Variants in RIN2 observed in about 807,000 individuals in gnomAD.
The protein encoded by RIN2 is Ras and Rab interactor 2, also known as RAB5 interacting protein 2.
In RIN2, 36 loss-of-function variants were observed where a neutral mutation model predicts 78.0. The observed-to-expected ratio is 0.46, with a 90% confidence interval of 0.35 to 0.61. The LOEUF (loss-of-function observed/expected upper bound fraction) is 0.61, where lower values mean the gene tolerates loss of function less well. Ranked by LOEUF, RIN2 falls within the 20% of genes least tolerant of loss-of-function variation. The probability of loss-of-function intolerance (pLI) is 0.00; values close to 1 mark genes in which losing one functional copy is unlikely to be tolerated. For missense variants in RIN2, 1,087 were observed against 1,159.7 expected (o/e 0.94, Z 0.91); for synonymous variants, 466 against 466.8 (o/e 1.00, Z 0.02).
intron 2 of RIN2, chr20:19,886,891 C>T (rs2038222501): frequency 9.7e-6 from 6 of 616,798 alleles, no homozygotes; most frequent in East Asian, 2.8e-5. Context: ...GAGAAGTTAT[C>T]GTTTTAAATG....
At chr20:19,830,724 T>C (rs1353882822) in intron 2 of RIN2, among the ~76,000 whole-genome samples, 1 of 152,190 alleles carries the variant, frequency 6.6e-6, no homozygotes, top group Non-Finnish European at 1.5e-5. Context: ...AGGAGGGACT[T>C]GTTGCCCGGC....
chr20:19,854,808 T>C (rs1381823284), intron 2 of RIN2, among the ~76,000 whole-genome samples: 1 of 152,134 alleles, frequency 6.6e-6, no homozygotes, highest in Non-Finnish European at 1.5e-5. Flanking sequence ...TCTAAATATA[T>C]AATCATGTCA....
intron 3 of RIN2, among the ~76,000 whole-genome samples, chr20:19,916,565 A>G (rs1172898022): frequency 6.6e-6 from 1 of 152,196 alleles, no homozygotes; most frequent in Non-Finnish European, 1.5e-5. Flanking sequence ...GCTGCACTCC[A>G]GCTCCAGCCT....
At chr20:19,994,024 C>T (rs1345414788) in intron 11 of RIN2, among the ~76,000 whole-genome samples, 2 of 152,216 alleles carry the variant, frequency 1.3e-5, no homozygotes, top group African/African-American at 4.8e-5. Context: ...CTACTTCCTG[C>T]CCCTTTCCCA....
intron 2 of RIN2, among the ~76,000 whole-genome samples, chr20:19,852,335 C>T (rs1318825948): frequency 3.3e-5 from 5 of 152,184 alleles, no homozygotes; most frequent in Non-Finnish European, 2.9e-5. Context: ...ACTAATTAAG[C>T]TCATGCAACT....
In RIN2 at chr20:19,846,880, C is replaced by A. The variant is rs539632455; in HGVS notation, c.-36-42686C>A. Among the ~76,000 whole-genome samples, 32 of 152,206 alleles carry A rather than the reference C, an allele frequency of 2.1e-4. No individual in the cohort carries two copies. In the South Asian group the frequency reaches 6.2e-3, roughly 30 times the overall value. On this transcript the variant is annotated intron_variant, in intron 2 of 12. Transcript: ENST00000255006. ...TTGTCATGAATAGAGATAGCACCTT[C>A]TTCTATGGGCAGGGGCACCAGTTAC...
At chr20:19,990,505 A>G (rs2042766192) in intron 10 of RIN2, among the ~76,000 whole-genome samples, 194 bp downstream of exon 10, 1 of 152,228 alleles carries the variant, frequency 6.6e-6, no homozygotes, top group South Asian at 2.1e-4. Context: ...AAATGTAAGC[A>G]GATGAGGGCA....
chr20:19,771,261 C>CT (rs1315338128), intron 1 of RIN2, among the ~76,000 whole-genome samples: 1 of 152,316 alleles, frequency 6.6e-6, no homozygotes, highest in East Asian at 1.9e-4. Context: ...CTGCCTTGGT[C>CT]TTTCCTGTAA....
intron 2 of RIN2, among the ~76,000 whole-genome samples, chr20:19,844,748 A>T (rs1421263796): frequency 3.1e-5 from 4 of 129,354 alleles, no homozygotes; most frequent in South Asian, 2.5e-4. Context: ...TCTTCTTTTA[A>T]TTATACTTTA....
intron 2 of RIN2, among the ~76,000 whole-genome samples, chr20:19,834,710 T>C (rs1339255440): frequency 1.3e-5 from 2 of 152,250 alleles, no homozygotes; most frequent in African/African-American, 2.4e-5. Context: ...ATTATTCTTA[T>C]CTTTTGTGGT....
chr20:19,970,202 C>A (rs113658836), intron 7 of RIN2, among the ~76,000 whole-genome samples: 1 of 152,182 alleles, frequency 6.6e-6, no homozygotes, highest in African/African-American at 2.4e-5. Context: ...GCAGAAATGC[C>A]GAATCTCCAG....
chr20:19,885,635 C>T (rs906946783), intron 2 of RIN2, among the ~76,000 whole-genome samples: 6 of 151,642 alleles, frequency 4.0e-5, no homozygotes, highest in Admixed American at 2.6e-4. Context: ...CACTGCACTG[C>T]AGCCTGGGTG....
intron 3 of RIN2, among the ~76,000 whole-genome samples, chr20:19,890,792 T>C (rs1189700206): frequency 6.6e-6 from 1 of 151,596 alleles, no homozygotes; most frequent in Non-Finnish European, 1.5e-5. Context: ...TATTCATGTC[T>C]AAGCCAGGGG....
intron 2 of RIN2, among the ~76,000 whole-genome samples, chr20:19,825,559 C>G (rs1164556166): frequency 6.6e-6 from 1 of 152,206 alleles, no homozygotes; most frequent in Non-Finnish European, 1.5e-5. Context: ...TCTTTCCTTA[C>G]CTCAATCCAG....
intron 1 of RIN2, among the ~76,000 whole-genome samples, chr20:19,789,183 CTT>C (rs2034807412): frequency 6.6e-6 from 1 of 152,106 alleles, no homozygotes; most frequent in African/African-American, 2.4e-5. Context: ...GGAGAAGAGT[CTT>C]TTCCACAGAT....
At chr20:19,956,116 G>A (rs1012391708) in intron 4 of RIN2, among the ~76,000 whole-genome samples, 30 of 151,808 alleles carry the variant, frequency 2.0e-4, no homozygotes, top group African/African-American at 7.0e-4. Context: ...AATTTAGCCG[G>A]GCATTGTGGT....
At chr20:19,861,648 T>A (rs1439697355) in intron 2 of RIN2, among the ~76,000 whole-genome samples, 1 of 149,764 alleles carries the variant, frequency 6.7e-6, no homozygotes, top group East Asian at 2.0e-4. Flanking sequence ...TCACCCTCCA[T>A]ATCTGATCAC....
intron 3 of RIN2, among the ~76,000 whole-genome samples, chr20:19,925,914 C>G (rs895603493): frequency 6.6e-6 from 1 of 152,174 alleles, no homozygotes; most frequent in Non-Finnish European, 1.5e-5. Context: ...ACCATCACAG[C>G]CCTGCCTGTG....
Position 19,975,141 on chromosome 20 carries a change from C to T in RIN2, c.1116C>T (p.Gly372=), listed in dbSNP as rs372336932. The T allele has an allele frequency of 1.2e-6, 2 of 1,613,066 alleles. No homozygotes were observed. The highest frequency in any genetic ancestry group is 8.5e-7 in the Non-Finnish European group (1 of 1,179,848). Residue 372 remains glycine (G), a synonymous_variant, in exon 9 of 13, where the codon GGC becomes GGT. Coordinates refer to ENST00000255006, the MANE Select transcript of RIN2 (RefSeq NM_018993.4). The surrounding 1 kb of genome is among the most constrained non-coding windows in gnomAD (Gnocchi z 4.9). ...KKQASFLEAE[G]GAKTLSGGRP... Reference sequence around the variant, plus strand: ...AGGCTTCTTTTCTGGAAGCAGAGGGCGGTGCAAAGACCTTGAGCGGCGGCC... The same window carrying T: ...AGGCTTCTTTTCTGGAAGCAGAGGGTGGTGCAAAGACCTTGAGCGGCGGCC...
Sources: allele counts gnomAD v4.1 joint callset (sites outside exome capture counted in the v4.1 genomes callset), GRCh38; gene constraint gnomAD v4.1.1; non-coding constraint Gnocchi (gnomAD v3.1); transcripts MANE v1.5; gene names NCBI Gene and HGNC (gene_info 2026-07-23, HGNC 2026-07-21).